DCP2: variants seen among roughly 807,000 people sequenced by gnomAD.
DCP2 encodes m7GpppN-mRNA hydrolase.
A neutral mutation model predicts 56.1 loss-of-function variants in DCP2; 30 were observed. The ratio of observed to expected loss-of-function variants is 0.53; its 90% CI spans 0.40 to 0.73. The LOEUF is 0.73. Among genes scored for constraint, DCP2 ranks in the 30% least tolerant of loss-of-function variants. DCP2 has a pLI of 0.00. For synonymous variants in DCP2, 197 were observed against 163.3 expected (o/e 1.21, Z -1.57); for missense variants, 533 against 502.7 (o/e 1.06, Z -0.58).
At chr5:112,979,950 C>T (rs189997896) in intron 1 of DCP2, among the ~76,000 whole-genome samples, 1 of 152,048 alleles carries the variant, frequency 6.6e-6, no homozygotes, top group South Asian at 2.1e-4. Flanking sequence ...GAATATGCGC[C>T]AAACTGATAA....
At chr5:112,999,311 T>A (rs574391479) in intron 4 of DCP2, among the ~76,000 whole-genome samples, 64 of 152,202 alleles carry the variant, frequency 4.2e-4, no homozygotes, top group African/African-American at 1.5e-3. Flanking sequence ...ATATAAAAAT[T>A]ACTTTTTAAA....
At position 112,976,805 on chromosome 5, in the gene DCP2, C is replaced by T; in HGVS notation, c.-129C>T. 2 of 928,092 alleles carry T rather than the reference C, an allele frequency of 2.2e-6. No individual in the cohort carries two copies. Among genetic ancestry groups the T allele is most frequent in the Non-Finnish European group, 3.6e-6 (2 of 553,178 alleles). 57.5% of individuals were successfully genotyped at this position (928,092 alleles called of 1,614,324 possible). ...GTCCCGCCCCTTCCCCTTCTCGTCT[C>T]CGTTGGAGTCGTCTCTGCCGCGGCT... On this transcript the variant is annotated 5_prime_UTR_variant, in exon 1 of 11. Coordinates refer to ENST00000389063, the MANE Select transcript of DCP2 (RefSeq NM_152624.6).
intron 7 of DCP2, among the ~76,000 whole-genome samples, chr5:113,003,083 A>T (rs780962244): frequency 6.6e-6 from 1 of 152,138 alleles, no homozygotes; most frequent in East Asian, 1.9e-4. Context: ...TCCATTTTAG[A>T]TGGATATTCT....
intron 9 of DCP2, among the ~76,000 whole-genome samples, chr5:113,009,772 A>G (rs532321512): frequency 3.3e-5 from 5 of 152,242 alleles, no homozygotes; most frequent in African/African-American, 7.2e-5. Context: ...TTTAAAGACT[A>G]TCAGACACTA....
At chr5:113,009,145 G>A (rs1012494192) in intron 9 of DCP2, among the ~76,000 whole-genome samples, 1 of 152,090 alleles carries the variant, frequency 6.6e-6, no homozygotes, top group African/African-American at 2.4e-5. Flanking sequence ...GCTCCCGGCC[G>A]ACAGATAACT....
intron 1 of DCP2, among the ~76,000 whole-genome samples, chr5:112,981,029 A>T (rs1747979701): frequency 6.7e-6 from 1 of 149,644 alleles, no homozygotes; most frequent in Non-Finnish European, 1.5e-5. Flanking sequence ...TGACTTTATG[A>T]TTTTTTTTTT....
In DCP2 at chr5:113,014,489, G is replaced by T. The variant is rs1480374339; in HGVS notation, c.*1005G>T. 1.3e-5 allele frequency: 2 copies of T among 152,506 alleles called. No homozygotes were observed. Among genetic ancestry groups the T allele is most frequent in the Non-Finnish European group, 2.9e-5 (2 of 68,042 alleles). The allele number at this position is 152,506 out of a possible 1,614,324, so 9.4% of individuals were successfully genotyped here. A position where few individuals can be genotyped will look rare whatever the true frequency, so the allele number is the denominator to read the frequency against. ...TGGATGATGGAGCGAGAAGGGAAGG[G>T]GTATGCAGTTTACCCAAGTCCAAAT... On this transcript the variant is annotated 3_prime_UTR_variant, in exon 11 of 11. Transcript: ENST00000389063.
intron 1 of DCP2, among the ~76,000 whole-genome samples, chr5:112,980,171 G>T (rs983763872): frequency 2.0e-4 from 31 of 152,162 alleles, no homozygotes; most frequent in Non-Finnish European, 4.6e-4. Context: ...GTTTAAACTA[G>T]CTTATTAAAG....
In DCP2 at chr5:113,021,189, C is replaced by CCAA. The variant is rs1437289076; in HGVS notation, c.*7708_*7710dup. Among the ~76,000 whole-genome samples, 1 of 151,846 alleles carries CCAA rather than the reference C, an allele frequency of 6.6e-6. No homozygotes were observed. Among genetic ancestry groups the CCAA allele is most frequent in the African/African-American group, 2.4e-5 (1 of 41,304 alleles). On this transcript the variant is annotated 3_prime_UTR_variant, in exon 11 of 11. Coordinates refer to ENST00000389063, the MANE Select transcript of DCP2 (RefSeq NM_152624.6). ...GGTCAGGAGTTCGAGACCAGCCTGA[C>CCAA]CAACATGGTGAAACTAAAAATTCAA...
intron 4 of DCP2, among the ~76,000 whole-genome samples, chr5:112,995,910 A>G (rs544117926): frequency 1.3e-5 from 2 of 152,364 alleles, no homozygotes; most frequent in African/African-American, 2.4e-5. Flanking sequence ...AAGGTGACTT[A>G]TAGATTAACA....
At chr5:113,006,997 G>A (rs2150188698) in intron 8 of DCP2, among the ~76,000 whole-genome samples, 1 of 152,120 alleles carries the variant, frequency 6.6e-6, no homozygotes, top group Admixed American at 6.5e-5. Context: ...AATTAGCCGG[G>A]CATGGTGGCA....
intron 8 of DCP2, among the ~76,000 whole-genome samples, chr5:113,005,151 G>GTGTGTGT (rs1749361092): frequency 0.016 from 2,329 of 149,522 alleles, 63 homozygotes; most frequent in African/African-American, 0.055. Flanking sequence ...TGTGCGTGTG[G>GTGTGTGT]GTGTGTGTGT....
chr5:112,990,491 T>G (rs1314831822), intron 2 of DCP2, among the ~76,000 whole-genome samples: 1 of 152,220 alleles, frequency 6.6e-6, no homozygotes, highest in Admixed American at 6.5e-5. Flanking sequence ...TACCAGGCCC[T>G]TATAGAACCA....
At chr5:113,002,485 A>G (rs1045043001) in intron 7 of DCP2, among the ~76,000 whole-genome samples, 2 of 151,704 alleles carry the variant, frequency 1.3e-5, no homozygotes, top group African/African-American at 4.8e-5. Flanking sequence ...CTACCTGGAC[A>G]TAAACCGTGA....
intron 2 of DCP2, 163 bp downstream of exon 2, chr5:112,986,149 C>A: frequency 1.7e-6 from 1 of 598,328 alleles, no homozygotes; most frequent in South Asian, 3.5e-5. Flanking sequence ...TAGTAATAAT[C>A]ATATTAATAA....
intron 8 of DCP2, among the ~76,000 whole-genome samples, chr5:113,006,580 T>G (rs1749447438): frequency 6.6e-6 from 1 of 152,202 alleles, no homozygotes; most frequent in South Asian, 2.1e-4. Context: ...CAACTGGTTA[T>G]TTTTCCCTAT....
intron 10 of DCP2, among the ~76,000 whole-genome samples, chr5:113,011,308 CTAAGTA>C (rs1417750878): frequency 6.6e-6 from 1 of 152,106 alleles, no homozygotes; most frequent in African/African-American, 2.4e-5. Flanking sequence ...TAAGGTGATA[CTAAGTA>C]TGAGTTTTAT....
chr5:112,996,272 C>G, intron 4 of DCP2, among the ~76,000 whole-genome samples: 1 of 152,160 alleles, frequency 6.6e-6, no homozygotes, highest in Admixed American at 6.6e-5. Flanking sequence ...AGTTGTAAAC[C>G]AGATGGTTAT....
chr5:112,981,591 C>T (rs1260143360), intron 1 of DCP2, among the ~76,000 whole-genome samples: 2 of 152,128 alleles, frequency 1.3e-5, no homozygotes, highest in Non-Finnish European at 2.9e-5. Context: ...AAGTCTTCAG[C>T]GGCTAGTTTC....
Sources: allele counts gnomAD v4.1 joint callset (sites outside exome capture counted in the v4.1 genomes callset), GRCh38; gene constraint gnomAD v4.1.1; transcripts MANE v1.5; gene names NCBI Gene and HGNC (gene_info 2026-07-23, HGNC 2026-07-21).